NKAIN2: variants seen among roughly 807,000 people sequenced by gnomAD.
NKAIN2 encodes sodium/potassium-transporting ATPase subunit beta-1-interacting protein 2.
NKAIN2 carries 14 observed loss-of-function variants against 32.6 expected under a neutral mutation model. The ratio of observed to expected loss-of-function variants is 0.43; its 90% CI spans 0.28 to 0.67. The LOEUF is 0.67. NKAIN2 is among the 30% of genes least tolerant of loss of function. The pLI is 0.17. For missense variants in NKAIN2, 198 were observed against 258.3 expected (o/e 0.77, Z 1.60); for synonymous variants, 80 against 87.2 (o/e 0.92, Z 0.46).
chr6:123,938,344 C>T (rs1024125056), intron 1 of NKAIN2, among the ~76,000 whole-genome samples: 1 of 138,974 alleles, frequency 7.2e-6, no homozygotes, highest in East Asian at 2.1e-4. Context: ...GTCAAGTGGC[C>T]AGAGATAGAA....
chr6:124,610,190 G>T (rs73573359), intron 3 of NKAIN2, among the ~76,000 whole-genome samples: 11,869 of 152,142 alleles, frequency 0.078, 521 homozygotes, highest in South Asian at 0.19. Flanking sequence ...TGATTGATAG[G>T]ATATGTAATA....
intron 1 of NKAIN2, among the ~76,000 whole-genome samples, chr6:124,212,220 T>TTATTAATAATAAAACTTTATTAATA (rs577273370): frequency 5.7e-4 from 87 of 152,262 alleles, no homozygotes; most frequent in African/African-American, 1.8e-3. Context: ...CAGTTTTATT[T>TTATTAATAATAAAACTTTATTAATA]TAAGCAAGTT....
chr6:124,651,081 A>G (rs1011703898), intron 3 of NKAIN2, among the ~76,000 whole-genome samples: 10 of 152,178 alleles, frequency 6.6e-5, no homozygotes, highest in African/African-American at 2.2e-4. Context: ...TTGTCTCAAT[A>G]AAGTCCAAAA....
chr6:124,331,610 T>A (rs1435169960), intron 2 of NKAIN2, among the ~76,000 whole-genome samples: 1 of 152,080 alleles, frequency 6.6e-6, no homozygotes, highest in Non-Finnish European at 1.5e-5. Flanking sequence ...CTCAGGATTT[T>A]ACAAGTTGTT....
intron 4 of NKAIN2, among the ~76,000 whole-genome samples, chr6:124,696,471 C>A (rs1262016642): frequency 6.6e-6 from 1 of 152,084 alleles, no homozygotes; most frequent in Non-Finnish European, 1.5e-5. Context: ...ACCTCCCATG[C>A]CCTGAGACCT....
intron 1 of NKAIN2, among the ~76,000 whole-genome samples, chr6:124,276,861 T>C (rs1178498051): frequency 6.6e-6 from 1 of 152,202 alleles, no homozygotes; most frequent in Admixed American, 6.5e-5. Flanking sequence ...TACAGTTTAC[T>C]TAGGACTACA....
At chr6:124,486,026 T>C (rs770042174) in intron 3 of NKAIN2, among the ~76,000 whole-genome samples, 9 of 152,240 alleles carry the variant, frequency 5.9e-5, no homozygotes, top group Non-Finnish European at 1.0e-4. Context: ...ATGAGCCGAC[T>C]CTAAAGATTG....
chr6:124,555,014 G>A (rs1481249578), intron 3 of NKAIN2, among the ~76,000 whole-genome samples: 4 of 152,122 alleles, frequency 2.6e-5, no homozygotes, highest in African/African-American at 7.2e-5. Context: ...CACTCCAGAT[G>A]CCCTTGGGTT....
intron 4 of NKAIN2, among the ~76,000 whole-genome samples, chr6:124,728,051 A>C (rs1342862518): frequency 8.6e-5 from 13 of 151,746 alleles, no homozygotes; most frequent in East Asian, 7.8e-4. Flanking sequence ...CACCCGGATT[A>C]ATAAAGCAAG....
At position 124,635,724 on chromosome 6, in the gene NKAIN2, A is replaced by C. The variant is rs185089733; in HGVS notation, c.274-22462A>C. Among the ~76,000 whole-genome samples the C allele has an allele frequency of 2.1e-4, 32 of 152,216 alleles. No homozygotes were observed. The East Asian group carries it at 6.0e-3, about 28-fold the overall frequency. Reference sequence around the variant, plus strand: ...TCATTGTATCATAATAAAGGGGTCAATTCAGCAAAAGGACATATCAATTAT... The same window carrying C: ...TCATTGTATCATAATAAAGGGGTCACTTCAGCAAAAGGACATATCAATTAT... On this transcript the variant is annotated intron_variant, in intron 3 of 6. Transcript: ENST00000368417.
chr6:124,318,587 C>T (rs10214497), intron 2 of NKAIN2, among the ~76,000 whole-genome samples: 2,740 of 152,042 alleles, frequency 0.018, 61 homozygotes, highest in African/African-American at 0.061. Flanking sequence ...TGTACTCTTG[C>T]CATTTGTTTT....
chr6:124,686,632 G>A (rs1330266317), intron 4 of NKAIN2, among the ~76,000 whole-genome samples: 1 of 152,106 alleles, frequency 6.6e-6, no homozygotes, highest in African/African-American at 2.4e-5. Flanking sequence ...TGATATTTGG[G>A]TAGGGATACA....
At chr6:124,656,667 T>C (rs1011906892) in intron 3 of NKAIN2, among the ~76,000 whole-genome samples, 1 of 152,096 alleles carries the variant, frequency 6.6e-6, no homozygotes, top group Non-Finnish European at 1.5e-5. Flanking sequence ...CCCTCCCTCA[T>C]GCCCTAAGAA....
intron 3 of NKAIN2, among the ~76,000 whole-genome samples, chr6:124,537,072 G>A (rs931155298): frequency 2.6e-5 from 4 of 152,118 alleles, no homozygotes; most frequent in Non-Finnish European, 4.4e-5. Context: ...GAAAATGGGG[G>A]CAAAAAGCCA....
At chr6:123,907,988 T>C (rs1036312366) in intron 1 of NKAIN2, among the ~76,000 whole-genome samples, 3 of 152,174 alleles carry the variant, frequency 2.0e-5, no homozygotes, top group African/African-American at 7.2e-5. Flanking sequence ...TGTATTTTGT[T>C]GCCATGTATT....
chr6:124,352,726 C>G (rs988190364), intron 2 of NKAIN2, among the ~76,000 whole-genome samples: 2 of 152,120 alleles, frequency 1.3e-5, no homozygotes, highest in Non-Finnish European at 2.9e-5. Context: ...ATCAGTCATG[C>G]GTTTTCTATC....
intron 3 of NKAIN2, among the ~76,000 whole-genome samples, chr6:124,575,232 G>T (rs1406307332): frequency 6.6e-6 from 1 of 152,126 alleles, no homozygotes; most frequent in African/African-American, 2.4e-5. Context: ...GCACTGGCAA[G>T]GTCTGTCCCC....
At chr6:124,569,117 G>A (rs1442668273) in intron 3 of NKAIN2, among the ~76,000 whole-genome samples, 5 of 152,118 alleles carry the variant, frequency 3.3e-5, no homozygotes, top group East Asian at 1.9e-4. Context: ...GTGACAAAAC[G>A]TTTTGAATAA....
intron 3 of NKAIN2, among the ~76,000 whole-genome samples, chr6:124,644,572 C>T (rs1784103020): frequency 6.6e-6 from 1 of 151,858 alleles, no homozygotes; most frequent in South Asian, 2.1e-4. Flanking sequence ...GCCCAGCTAA[C>T]TTTTTGTATA....
Sources: allele counts gnomAD v4.1 joint callset (sites outside exome capture counted in the v4.1 genomes callset), GRCh38; gene constraint gnomAD v4.1.1; transcripts MANE v1.5; gene names NCBI Gene and HGNC (gene_info 2026-07-23, HGNC 2026-07-21).